FLACC1: variants seen among roughly 807,000 people sequenced by gnomAD.
FLACC1 encodes the protein flagellum-associated coiled-coil domain-containing protein 1.
FLACC1 carries 66 observed loss-of-function variants against 62.8 expected under a neutral mutation model. That is an observed-to-expected ratio of 1.05 (90% CI 0.86 to 1.29). The LOEUF (loss-of-function observed/expected upper bound fraction) is 1.29. Ranked by LOEUF, FLACC1 falls within the 50% of genes most tolerant of loss-of-function variation. FLACC1 has a pLI of 0.00. For synonymous variants in FLACC1, 156 were observed against 161.0 expected (o/e 0.97, Z 0.24); for missense variants, 452 against 489.1 (o/e 0.92, Z 0.71).
intron 11 of FLACC1, among the ~76,000 whole-genome samples, chr2:201,301,732 C>G (rs1949988641): frequency 6.6e-6 from 1 of 152,228 alleles, no homozygotes; most frequent in African/African-American, 2.4e-5. Context: ...CAGTGGATCT[C>G]TCGGCAGAAA....
At chr2:201,330,867 G>A in intron 7 of FLACC1, 34 bp from the exon 8 acceptor site, 2 of 1,573,542 alleles carry the variant, frequency 1.3e-6, no homozygotes, top group Non-Finnish European at 1.7e-6. Context: ...ACAATCATTA[G>A]TAAAAAGAAG....
chr2:201,294,964 A>G (rs1279518776), intron 12 of FLACC1, among the ~76,000 whole-genome samples: 3 of 152,222 alleles, frequency 2.0e-5, no homozygotes, highest in African/African-American at 7.2e-5. Context: ...CCAACTCACA[A>G]GGGATGTGAA....
At chr2:201,347,333 T>C (rs577698061) in intron 4 of FLACC1, among the ~76,000 whole-genome samples, 2 of 152,182 alleles carry the variant, frequency 1.3e-5, no homozygotes, top group Admixed American at 1.3e-4. Flanking sequence ...TCTCTGTGAG[T>C]CACCCTCCTC....
At chr2:201,311,968 A>G (rs568355351) in intron 9 of FLACC1, among the ~76,000 whole-genome samples, 1 of 152,320 alleles carries the variant, frequency 6.6e-6, no homozygotes, top group South Asian at 2.1e-4. Context: ...CCCACAGCCA[A>G]AATCCTACTG....
intron 9 of FLACC1, among the ~76,000 whole-genome samples, chr2:201,319,768 C>T (rs1950368931): frequency 1.3e-5 from 2 of 152,276 alleles, no homozygotes; most frequent in East Asian, 3.9e-4. Context: ...AGATTAGAGG[C>T]ATTGCTAGCA....
At chr2:201,325,115 CAG>C (rs1950478650) in intron 9 of FLACC1, among the ~76,000 whole-genome samples, 1 of 152,062 alleles carries the variant, frequency 6.6e-6, no homozygotes. Flanking sequence ...GCCTGGTTGA[CAG>C]AGTGAGACTG....
intron 12 of FLACC1, among the ~76,000 whole-genome samples, chr2:201,294,203 G>T (rs1259583248): frequency 1.3e-5 from 2 of 152,098 alleles, no homozygotes; most frequent in Non-Finnish European, 2.9e-5. Flanking sequence ...CCAAAGCCTG[G>T]CAGAGACACA....
chr2:201,315,735 A>G (rs1298654352), intron 9 of FLACC1, among the ~76,000 whole-genome samples: 1 of 152,204 alleles, frequency 6.6e-6, no homozygotes, highest in Non-Finnish European at 1.5e-5. Context: ...CATTCTATCC[A>G]ACAACCCCAG....
At chr2:201,309,415 G>T (rs929975161) in intron 9 of FLACC1, among the ~76,000 whole-genome samples, 165 bp from the exon 10 acceptor site, 1 of 152,152 alleles carries the variant, frequency 6.6e-6, no homozygotes, top group Non-Finnish European at 1.5e-5. Context: ...CTCACTGAGT[G>T]GGTCCTCCAT....
intron 7 of FLACC1, among the ~76,000 whole-genome samples, chr2:201,336,962 G>A (rs572231842): frequency 6.6e-6 from 1 of 152,186 alleles, no homozygotes; most frequent in East Asian, 1.9e-4. Context: ...CTTCTTTTAA[G>A]AAATGTCTTT....
intron 5 of FLACC1, 108 bp from the exon 6 acceptor site, chr2:201,344,371 C>T: frequency 1.4e-6 from 1 of 705,326 alleles, no homozygotes; most frequent in Non-Finnish European, 2.4e-6. Context: ...CTGGTGAGAG[C>T]TGGCCATGTT....
At chr2:201,333,771 A>G (rs1251678026) in intron 7 of FLACC1, among the ~76,000 whole-genome samples, 1 of 152,142 alleles carries the variant, frequency 6.6e-6, no homozygotes, top group African/African-American at 2.4e-5. Context: ...TCCATGGTGT[A>G]TATGTGCCAC....
intron 9 of FLACC1, among the ~76,000 whole-genome samples, chr2:201,327,069 G>T (rs1308401339): frequency 6.6e-6 from 1 of 152,142 alleles, no homozygotes; most frequent in African/African-American, 2.4e-5. Flanking sequence ...AACATAAATT[G>T]GGGAATGATA....
chr2:201,291,433 C>A (rs2125532476), intron 12 of FLACC1, among the ~76,000 whole-genome samples: 1 of 152,336 alleles, frequency 6.6e-6, no homozygotes, highest in Non-Finnish European at 1.5e-5. Flanking sequence ...AGTGGACCTC[C>A]AGCAAACTCC....
chr2:201,296,437 T>C lies in FLACC1; in HGVS notation c.942+2801A>G, dbSNP rs1393268059. Reference sequence around the variant, plus strand: ...ACAAAAAACCAAACACCACATGTTCTTGCTCAGAGGTGGGAATTGAACAAT... The same window carrying C: ...ACAAAAAACCAAACACCACATGTTCCTGCTCAGAGGTGGGAATTGAACAAT... On this transcript the variant is annotated intron_variant, in intron 12 of 14. Coordinates refer to ENST00000392257, the MANE Select transcript of FLACC1 (RefSeq NM_001127391.3). 4.8e-5 allele frequency among the ~76,000 whole-genome samples: 7 copies of C among 146,950 alleles called. No individual in the cohort carries two copies. In the East Asian group the frequency reaches 1.2e-3, roughly 25 times the overall value.
chr2:201,295,422 A>G (rs1368383749), intron 12 of FLACC1, among the ~76,000 whole-genome samples: 1 of 152,216 alleles, frequency 6.6e-6, no homozygotes, highest in African/African-American at 2.4e-5. Context: ...AGGATTCCTT[A>G]TTTAATAAAT....
intron 6 of FLACC1, 62 bp downstream of exon 6, chr2:201,344,108 T>C: frequency 6.9e-7 from 1 of 1,453,418 alleles, no homozygotes; most frequent in South Asian, 1.2e-5. Flanking sequence ...GGCACATAGG[T>C]GATTCAAAAA....
chr2:201,317,077 C>T (rs567080750), intron 9 of FLACC1, among the ~76,000 whole-genome samples: 46 of 152,276 alleles, frequency 3.0e-4, no homozygotes, highest in African/African-American at 1.1e-3. Context: ...CTATGACAAA[C>T]CCACAGCCAA....
chr2:201,329,500 T>G (rs1307261583), intron 9 of FLACC1, among the ~76,000 whole-genome samples: 1 of 152,240 alleles, frequency 6.6e-6, no homozygotes, highest in African/African-American at 2.4e-5. Flanking sequence ...TCTTGTATGT[T>G]AATCACAGAC....
Sources: allele counts gnomAD v4.1 joint callset (sites outside exome capture counted in the v4.1 genomes callset), GRCh38; gene constraint gnomAD v4.1.1; transcripts MANE v1.5; gene names NCBI Gene and HGNC (gene_info 2026-07-23, HGNC 2026-07-21).